Variants in USP42 observed in about 807,000 individuals in gnomAD.
USP42 encodes the protein ubiquitin specific peptidase 42.
Under a neutral mutation model 113.0 loss-of-function variants are expected in USP42, and 23 were observed. That is an observed-to-expected ratio of 0.20 (90% CI 0.15 to 0.29). The LOEUF (loss-of-function observed/expected upper bound fraction) is 0.29. USP42 is among the 10% of genes least tolerant of loss of function. The pLI is 1.00. For synonymous variants in USP42, 933 were observed against 699.0 expected, an observed-to-expected ratio of 1.33 and a Z score of -5.28; for missense variants, 2,174 against 1,779.8, an observed-to-expected ratio of 1.22 and a Z score of -3.99.
rs1409068281 is a variant in USP42, at chr7:6,150,308, T to G, written c.2106+6T>G. 1 of 1,612,636 alleles carries G rather than the reference T, an allele frequency of 6.2e-7. No homozygotes were observed. The highest frequency in any genetic ancestry group is 2.2e-5 in the East Asian group (1 of 44,868). Reference sequence around the variant, plus strand: ...CAAACGGTCTTCCTGGAAAGGTGAGTGCACGTCAGGGTCTTCAGCCTCGTT... The same window carrying G: ...CAAACGGTCTTCCTGGAAAGGTGAGGGCACGTCAGGGTCTTCAGCCTCGTT... On this transcript the variant is annotated splice_donor_region_variant and intron_variant, in intron 13 of 17. Coordinates refer to ENST00000306177, the MANE Select transcript of USP42 (RefSeq NM_032172.3).
At position 6,136,690 on chromosome 7, in the gene USP42, C is replaced by G. The variant is rs548332369; in HGVS notation, c.553+739C>G. Among the ~76,000 whole-genome samples, 28 of 152,138 alleles carry G rather than the reference C, an allele frequency of 1.8e-4. No homozygotes were observed. In the South Asian group the frequency reaches 5.6e-3, roughly 30 times the overall value. On this transcript the variant is annotated intron_variant, in intron 4 of 17. Transcript: ENST00000306177. Reference sequence around the variant, plus strand: ...TACTATACGCAGTGACAGAAATTGTCAAAATAAAGTTAATTAGGCTACTCT... The same window carrying G: ...TACTATACGCAGTGACAGAAATTGTGAAAATAAAGTTAATTAGGCTACTCT...
chr7:6,113,378 C>T (rs1451622603), intron 2 of USP42, among the ~76,000 whole-genome samples: 1 of 152,160 alleles, frequency 6.6e-6, no homozygotes, highest in African/African-American at 2.4e-5. Context: ...CCACGGCCTT[C>T]AACCTCCTGT....
the USP42 span, among the ~76,000 whole-genome samples, chr7:6,094,346 T>A: frequency 6.6e-6 from 1 of 151,042 alleles, no homozygotes; most frequent in Non-Finnish European, 1.5e-5. Context: ...TAATTTTTTA[T>A]TTTTTGTAGA....
chr7:6,150,011 G>T lies in USP42; in HGVS notation c.1815G>T (p.Val605=). 4 of 1,613,012 alleles carry T rather than the reference G, an allele frequency of 2.5e-6. No homozygotes were observed. Among genetic ancestry groups the T allele is most frequent in the Non-Finnish European group, 3.4e-6 (4 of 1,179,456 alleles). Residue 605 remains valine, a synonymous_variant, in exon 13 of 18, where the codon GTG becomes GTT. Transcript: ENST00000306177. ...GKSKLNSSVL[V]PYGAESSEDS... ...CCAAGCTGAACTCCAGCGTGCTGGTGCCCTATGGCGCCGAGTCCTCTGAGG... is the reference window on the plus strand; with the variant it reads ...CCAAGCTGAACTCCAGCGTGCTGGTTCCCTATGGCGCCGAGTCCTCTGAGG...
chr7:6,146,317 G>T, intron 11 of USP42, 69 bp downstream of exon 11: 4 of 911,454 alleles, frequency 4.4e-6, no homozygotes, highest in African/African-American at 1.8e-5. Context: ...CAACATGTTT[G>T]AATTCAATAT....
chr7:6,112,782 T>G (rs1258089721), intron 2 of USP42, among the ~76,000 whole-genome samples: 1 of 152,132 alleles, frequency 6.6e-6, no homozygotes, highest in Non-Finnish European at 1.5e-5. Context: ...TAGTGTATTT[T>G]ACGTGTGGCC....
rs972789768 is a variant in USP42 at position 6,154,446 on chromosome 7, G to A, written c.2892G>A (p.Glu964=). 11 of 1,567,100 alleles carry A rather than the reference G, an allele frequency of 7.0e-6. No individual in the cohort carries two copies. The East Asian group carries it at 9.5e-5, about 14-fold the overall frequency. ...RSRRERSSSG[E]PARESRSKTE... ...GGAGAGAGCGCTCGTCCAGCGGGGA[G>A]CCCGCCAGAGAGAGCAGGAGCAAGA... The change falls in exon 15 of 18, where the codon GAG becomes GAA. Residue 964 remains glutamate (E), a synonymous_variant. Transcript: ENST00000306177.
At chr7:6,126,307 G>T (rs1780540615) in intron 3 of USP42, among the ~76,000 whole-genome samples, 1 of 148,218 alleles carries the variant, frequency 6.7e-6, no homozygotes, top group Admixed American at 6.7e-5. Flanking sequence ...TTTTTTGAGA[G>T]GAAGTCTTGC....
At chr7:6,092,516 C>G in the USP42 span, among the ~76,000 whole-genome samples, 2 of 151,066 alleles carry the variant, frequency 1.3e-5, no homozygotes, top group African/African-American at 4.9e-5. Context: ...TGTTGTAAAA[C>G]TTTTCCTGAA....
At chr7:6,098,339 C>G in the USP42 span, among the ~76,000 whole-genome samples, 56 of 150,148 alleles carry the variant, frequency 3.7e-4, 5 homozygotes, top group Non-Finnish European at 7.3e-4. Context: ...TATCTGCTCC[C>G]CAGCCCTCAC....
At chr7:6,093,586 C>CTT in the USP42 span, among the ~76,000 whole-genome samples, 15 of 150,232 alleles carry the variant, frequency 1.0e-4, no homozygotes, top group Non-Finnish European at 2.1e-4. Flanking sequence ...TTTCTTTTCT[C>CTT]TTTTTTCTTT....
chr7:6,090,148 A>C, the USP42 span, among the ~76,000 whole-genome samples: 1 of 148,668 alleles, frequency 6.7e-6, no homozygotes, highest in East Asian at 2.0e-4. Context: ...TAAAAACACA[A>C]AATTAGACAG....
the USP42 span, among the ~76,000 whole-genome samples, chr7:6,091,251 G>T: frequency 7.9e-4 from 119 of 150,670 alleles, 5 homozygotes; most frequent in African/African-American, 2.9e-3. Flanking sequence ...TTGAGGCAGG[G>T]TCTTGCTCTG....
In USP42 at chr7:6,159,571, C is replaced by T. The variant is rs553104752; in HGVS notation, c.*36+78C>T. The T allele has an allele frequency of 1.8e-5, 26 of 1,430,262 alleles. No individual in the cohort carries two copies. Among genetic ancestry groups the T allele is most frequent in the Middle Eastern group, 2.0e-4 (1 of 5,044 alleles). The allele number at this position is 1,430,262 out of a possible 1,614,324, so 88.6% of individuals were successfully genotyped here. On this transcript the variant is annotated intron_variant, in intron 17 of 17. Coordinates refer to ENST00000306177, the MANE Select transcript of USP42 (RefSeq NM_032172.3). This position sits in a 1 kb window ranked among gnomAD's most constrained non-coding sequence, Gnocchi z 4.1. ...CGCAGGCAGAGGAGTTTTAATTCTG[C>T]GGCTCTGCCTGGGGGCTGGGCTCAT...
intron 3 of USP42, among the ~76,000 whole-genome samples, chr7:6,134,188 G>A (rs551953393): frequency 6.6e-6 from 1 of 152,230 alleles, no homozygotes; most frequent in South Asian, 2.1e-4. Flanking sequence ...ACCAGGCTCA[G>A]CCACCATGTT....
At position 6,111,272 on chromosome 7, in the gene USP42, G is replaced by A; in HGVS notation, c.139G>A (p.Val47Met). The part of the protein sequence containing the change: ...SWGAVSSLND[V>M]SNHTLSLGPV... ...GGGTGCTGTGTCTTCATTGAATGAT[G>A]TGTCAAATCACACACTTTCTTTAGG... Residue 47 changes from valine to methionine, a missense_variant, in exon 2 of 18, where the codon GTG (valine) becomes ATG (methionine). Physicochemically the swap from Val to Met is conservative, Grantham distance 21. Transcript: ENST00000306177. 1 of 1,607,874 alleles carries A rather than the reference G, an allele frequency of 6.2e-7. No individual in the cohort carries two copies. The highest frequency in any genetic ancestry group is 8.5e-7 in the Non-Finnish European group (1 of 1,176,820).
chr7:6,091,626 GT>G, the USP42 span, among the ~76,000 whole-genome samples: 2 of 140,332 alleles, frequency 1.4e-5, no homozygotes, highest in Admixed American at 7.1e-5. Context: ...TTTTATTCTT[GT>G]TTTTTTATAT....
In USP42 at chr7:6,147,647, G is replaced by A. The variant is rs573119157; in HGVS notation, c.1233-92G>A. 10 of 1,420,660 alleles carry A rather than the reference G, an allele frequency of 7.0e-6. No homozygotes were observed. In the East Asian group the frequency reaches 1.2e-4, roughly 17 times the overall value. 88.0% of individuals were successfully genotyped at this position (1,420,660 alleles called of 1,614,324 possible). Reference sequence around the variant, plus strand: ...ATGCTATTTTTTTCATCAGGTTTCCGCCTGAGGGGTTAAATGCTGTTGACT... The same window carrying A: ...ATGCTATTTTTTTCATCAGGTTTCCACCTGAGGGGTTAAATGCTGTTGACT... On this transcript the variant is annotated intron_variant, in intron 11 of 17. Transcript: ENST00000306177.
At chr7:6,085,623 TA>T in the USP42 span, among the ~76,000 whole-genome samples, 73 of 129,810 alleles carry the variant, frequency 5.6e-4, 1 homozygote, top group African/African-American at 8.2e-4. Flanking sequence ...TATATATATA[TA>T]TTTTTTTTGA....
Sources: gnomAD v4.1 joint callset for allele counts (sites outside exome capture counted in the v4.1 genomes callset) on GRCh38, gnomAD v4.1.1 for gene constraint, Gnocchi (gnomAD v3.1) non-coding constraint, MANE v1.5 for transcripts, NCBI Gene and HGNC (gene_info 2026-07-23, HGNC 2026-07-21) for gene names.